Variants in BMPR1B observed in about 807,000 individuals in gnomAD.
BMPR1B encodes bone morphogenetic protein receptor type 1B.
In BMPR1B, 12 loss-of-function variants were observed where a neutral mutation model predicts 59.1. The observed-to-expected ratio is 0.20, with a 90% confidence interval of 0.13 to 0.33. The LOEUF (loss-of-function observed/expected upper bound fraction) is 0.33, where lower values mean the gene tolerates loss of function less well. BMPR1B is among the 10% of genes least tolerant of loss of function. The pLI is 1.00. For synonymous variants in BMPR1B, 237 were observed against 207.3 expected, an observed-to-expected ratio of 1.14 and a Z score of -1.23; for missense variants, 550 against 610.9, an observed-to-expected ratio of 0.90 and a Z score of 1.05.
intron 1 of BMPR1B, among the ~76,000 whole-genome samples, chr4:94,792,152 A>G (rs1723009565): frequency 6.6e-6 from 1 of 152,196 alleles, no homozygotes; most frequent in Non-Finnish European, 1.5e-5. Flanking sequence ...TTTAATTATC[A>G]CTGATGAGCA....
intron 1 of BMPR1B, among the ~76,000 whole-genome samples, chr4:94,850,722 G>T (rs1725535586): frequency 6.6e-6 from 1 of 152,130 alleles, no homozygotes; most frequent in African/African-American, 2.4e-5. Context: ...CTTGTCCAAG[G>T]CTGGATCCTA....
At chr4:94,968,722 A>G (rs1249370934) in intron 2 of BMPR1B, among the ~76,000 whole-genome samples, 3 of 152,262 alleles carry the variant, frequency 2.0e-5, no homozygotes, top group Non-Finnish European at 2.9e-5. Flanking sequence ...TACTGACTCA[A>G]TGAGAATTTC....
intron 2 of BMPR1B, among the ~76,000 whole-genome samples, chr4:94,981,299 G>C (rs1300759484): frequency 6.6e-6 from 1 of 151,976 alleles, no homozygotes; most frequent in South Asian, 2.1e-4. Context: ...GAACTCCTGG[G>C]CTCAAGCAAT....
intron 2 of BMPR1B, among the ~76,000 whole-genome samples, chr4:94,971,012 G>A (rs1364613825): frequency 6.6e-6 from 1 of 152,124 alleles, no homozygotes; most frequent in Non-Finnish European, 1.5e-5. Flanking sequence ...TTGTCCTAAT[G>A]ACATCATACA....
intron 1 of BMPR1B, among the ~76,000 whole-genome samples, chr4:94,856,549 T>C (rs1725761610): frequency 6.6e-6 from 1 of 152,176 alleles, no homozygotes; most frequent in Non-Finnish European, 1.5e-5. Context: ...TAACAATATG[T>C]AACAAGAAGG....
intron 1 of BMPR1B, among the ~76,000 whole-genome samples, chr4:94,825,624 C>T (rs1045428380): frequency 4.6e-5 from 7 of 152,102 alleles, no homozygotes; most frequent in Non-Finnish European, 1.0e-4. Flanking sequence ...AATTGGGACC[C>T]TTTGATTTTC....
intron 6 of BMPR1B, among the ~76,000 whole-genome samples, chr4:95,119,999 A>G (rs6815969): frequency 0.48 from 72,865 of 151,958 alleles, 19,155 homozygotes; most frequent in Admixed American, 0.61. Context: ...ATAGTACCCA[A>G]TAGGCAGTTT....
chr4:95,125,392 A>G lies in BMPR1B; in HGVS notation c.585+271A>G, dbSNP rs79877667. Among the ~76,000 whole-genome samples, 7,078 of 152,250 alleles carry G rather than the reference A, an allele frequency of 0.046. 290 individuals carry two copies. The highest frequency in any genetic ancestry group is 0.1 in the African/African-American group (4,340 of 41,534). On this transcript the variant is annotated intron_variant, in intron 8 of 12. Coordinates refer to ENST00000515059, the MANE Select transcript of BMPR1B (RefSeq NM_001203.3). ...ATTAGAAAACATTAAACACGGGACCATCTTCCCTGTGTTTTCCATAAGGAT... is the reference window on the plus strand; with the variant it reads ...ATTAGAAAACATTAAACACGGGACCGTCTTCCCTGTGTTTTCCATAAGGAT...
At chr4:95,035,264 C>A (rs1016911953) in intron 3 of BMPR1B, among the ~76,000 whole-genome samples, 1 of 152,104 alleles carries the variant, frequency 6.6e-6, no homozygotes, top group Non-Finnish European at 1.5e-5. Flanking sequence ...TTTTGCTTTG[C>A]AGAAGCTTTT....
intron 1 of BMPR1B, among the ~76,000 whole-genome samples, chr4:94,869,720 A>G (rs923072767): frequency 6.6e-6 from 1 of 152,198 alleles, no homozygotes; most frequent in Non-Finnish European, 1.5e-5. Flanking sequence ...ATAATCTGTA[A>G]CATTTTAATT....
intron 2 of BMPR1B, among the ~76,000 whole-genome samples, chr4:94,952,282 T>A (rs1729974217): frequency 6.6e-6 from 1 of 152,188 alleles, no homozygotes; most frequent in Admixed American, 6.5e-5. Flanking sequence ...TGATCTTAGT[T>A]ATTTCTTGTC....
intron 1 of BMPR1B, among the ~76,000 whole-genome samples, chr4:94,839,752 C>A (rs1454677737): frequency 7.3e-6 from 1 of 136,700 alleles, no homozygotes; most frequent in African/African-American, 2.8e-5. Context: ...AGCATTTAGT[C>A]CATTTACATT....
intron 1 of BMPR1B, among the ~76,000 whole-genome samples, chr4:94,814,188 A>G (rs1403350040): frequency 1.3e-5 from 2 of 152,354 alleles, no homozygotes; most frequent in African/African-American, 2.4e-5. Flanking sequence ...AATTGTTTTC[A>G]TAAAAATGTG....
At chr4:94,840,327 A>G (rs1725005328) in intron 1 of BMPR1B, among the ~76,000 whole-genome samples, 1 of 149,274 alleles carries the variant, frequency 6.7e-6, no homozygotes, top group African/African-American at 2.5e-5. Context: ...AGATTGGGGA[A>G]GTTCTCCTAG....
intron 1 of BMPR1B, among the ~76,000 whole-genome samples, chr4:94,842,129 T>C (rs1219149679): frequency 3.3e-5 from 5 of 152,226 alleles, no homozygotes; most frequent in African/African-American, 9.6e-5. Context: ...AATTATTTTT[T>C]ACATGTTTTG....
Position 94,933,891 on chromosome 4 carries a change from G to T in BMPR1B, c.-113+57991G>T, listed in dbSNP as rs146819213. Reference sequence around the variant, plus strand: ...ATGACCTCACTGAACAAAAGAAAACGAAAAGTTTAAGAGAAAAGAAAATGC... The same window carrying T: ...ATGACCTCACTGAACAAAAGAAAACTAAAAGTTTAAGAGAAAAGAAAATGC... On this transcript the variant is annotated intron_variant, in intron 2 of 12. Coordinates refer to ENST00000515059, the MANE Select transcript of BMPR1B (RefSeq NM_001203.3). Among the ~76,000 whole-genome samples, 48 of 152,148 alleles carry T rather than the reference G, an allele frequency of 3.2e-4. 1 individual carries two copies. In the East Asian group the frequency reaches 4.6e-3, roughly 15 times the overall value.
At chr4:94,793,021 T>A (rs1238811597) in intron 1 of BMPR1B, among the ~76,000 whole-genome samples, 4 of 152,236 alleles carry the variant, frequency 2.6e-5, no homozygotes, top group Admixed American at 6.5e-5. Flanking sequence ...TTTCTTTTTT[T>A]TTATTATTAT....
intron 3 of BMPR1B, among the ~76,000 whole-genome samples, chr4:95,022,704 G>A (rs770829598): frequency 6.6e-6 from 1 of 151,950 alleles, no homozygotes; most frequent in Non-Finnish European, 1.5e-5. Flanking sequence ...CATTTCTATG[G>A]CATCAATGCG....
At chr4:95,133,755 T>A (rs1285960382) in intron 10 of BMPR1B, among the ~76,000 whole-genome samples, 3 of 151,206 alleles carry the variant, frequency 2.0e-5, no homozygotes, top group Non-Finnish European at 4.4e-5. Flanking sequence ...TTTTTTTTAA[T>A]AGATGGGATC....
Sources: gnomAD v4.1 joint callset for allele counts (sites outside exome capture counted in the v4.1 genomes callset) on GRCh38, gnomAD v4.1.1 for gene constraint, MANE v1.5 for transcripts, NCBI Gene and HGNC (gene_info 2026-07-23, HGNC 2026-07-21) for gene names.